The following RBFOX1 variants were observed in gnomAD, a reference collection of about 807,000 sequenced individuals.
RBFOX1 encodes RNA binding protein fox-1 homolog 1.
Under a neutral mutation model 57.7 loss-of-function variants are expected in RBFOX1, and 8 were observed. The observed-to-expected ratio is 0.14, with a 90% CI of 0.08 to 0.25. The LOEUF is 0.25. Ranked by LOEUF, RBFOX1 falls within the 10% of genes least tolerant of loss-of-function variation. The pLI, the probability that RBFOX1 is intolerant of heterozygous loss-of-function variation, is 1.00. For missense variants in RBFOX1, 611 were observed against 548.5 expected (o/e 1.11, Z -1.14); for synonymous variants, 326 against 222.4 (o/e 1.47, Z -4.15).
At chr16:5,319,744 G>T (rs1174234549) in intron 1 of RBFOX1, among the ~76,000 whole-genome samples, 2 of 152,180 alleles carry the variant, frequency 1.3e-5, no homozygotes, top group Admixed American at 6.5e-5. Flanking sequence ...TTCCACAATA[G>T]AAGTTTGTTG....
At chr16:6,941,636 A>T (rs2078534609) in intron 3 of RBFOX1, among the ~76,000 whole-genome samples, 1 of 151,932 alleles carries the variant, frequency 6.6e-6, no homozygotes, top group Non-Finnish European at 1.5e-5. Context: ...CCTGTTGAAT[A>T]TTATAAGAAT....
chr16:6,607,241 C>A (rs573601909), intron 2 of RBFOX1, among the ~76,000 whole-genome samples: 14 of 152,058 alleles, frequency 9.2e-5, no homozygotes, highest in Non-Finnish European at 1.5e-4. Context: ...TGCTTTGAAC[C>A]ATCTTGGAAC....
chr16:7,447,120 G>C (rs2098814910), intron 4 of RBFOX1, among the ~76,000 whole-genome samples: 3 of 151,980 alleles, frequency 2.0e-5, no homozygotes, highest in Non-Finnish European at 4.4e-5. Flanking sequence ...CCTCAAGGTA[G>C]GTCTGGGTTT....
chr16:6,822,539 T>C (rs1378535544), intron 3 of RBFOX1, among the ~76,000 whole-genome samples: 1 of 152,240 alleles, frequency 6.6e-6, no homozygotes, highest in Non-Finnish European at 1.5e-5. Flanking sequence ...TGGCTAGAGA[T>C]AAAACATGTC....
chr16:7,204,006 CTG>C lies in RBFOX1; in HGVS notation c.27+151910_27+151911del, dbSNP rs776035827. On this transcript the variant is annotated intron_variant, in intron 4 of 15. Transcript: ENST00000550418. Reference sequence around the variant, plus strand: ...ACATCACTTACGTTATATTTTAAGACTGTCGCAATCTTTAACTAACATTTCGA... The same window carrying C: ...ACATCACTTACGTTATATTTTAAGACTCGCAATCTTTAACTAACATTTCGA... Among the ~76,000 whole-genome samples the C allele has an allele frequency of 1.6e-3, 240 of 152,364 alleles. 3 individuals are homozygous for C. Among genetic ancestry groups the C allele is most frequent in the Admixed American group, 1.6e-3 (25 of 15,306 alleles).
intron 9 of RBFOX1, among the ~76,000 whole-genome samples, chr16:7,599,327 G>C (rs980841351): frequency 1.3e-5 from 2 of 152,240 alleles, no homozygotes; most frequent in Non-Finnish European, 2.9e-5. Flanking sequence ...ATGACTAGCT[G>C]CTCATGTGTG....
At chr16:5,556,726 C>T (rs1030729976) in intron 2 of RBFOX1, among the ~76,000 whole-genome samples, 1 of 152,168 alleles carries the variant, frequency 6.6e-6, no homozygotes, top group African/African-American at 2.4e-5. Context: ...TTCCTTGGGA[C>T]ATGAGATGCA....
intron 4 of RBFOX1, among the ~76,000 whole-genome samples, chr16:7,155,031 G>T (rs889141300): frequency 6.6e-6 from 1 of 152,026 alleles, no homozygotes; most frequent in African/African-American, 2.4e-5. Context: ...TATTGAGCTG[G>T]AATATTTTGT....
At chr16:6,451,788 C>T (rs1356945833) in intron 2 of RBFOX1, among the ~76,000 whole-genome samples, 1 of 152,174 alleles carries the variant, frequency 6.6e-6, no homozygotes, top group Non-Finnish European at 1.5e-5. Flanking sequence ...GCTCTTCCTC[C>T]CGTGACTCCA....
At chr16:5,722,466 A>G (rs928750429) in intron 3 of RBFOX1, among the ~76,000 whole-genome samples, 1 of 152,198 alleles carries the variant, frequency 6.6e-6, no homozygotes. Flanking sequence ...AAATCCAGAT[A>G]CAATTAGACT....
intron 4 of RBFOX1, among the ~76,000 whole-genome samples, chr16:5,891,582 A>G (rs2058045556): frequency 6.6e-6 from 1 of 152,122 alleles, no homozygotes; most frequent in Admixed American, 6.5e-5. Context: ...GGTGGCAAAA[A>G]TGGCAGAGGG....
At chr16:7,041,975 C>T (rs945545999) in intron 3 of RBFOX1, among the ~76,000 whole-genome samples, 4 of 152,118 alleles carry the variant, frequency 2.6e-5, no homozygotes, top group African/African-American at 4.8e-5. Context: ...GCTAACGTTA[C>T]TTAGGAGATG....
At chr16:5,844,196 A>G (rs961516715) in intron 3 of RBFOX1, among the ~76,000 whole-genome samples, 1 of 152,204 alleles carries the variant, frequency 6.6e-6, no homozygotes, top group African/African-American at 2.4e-5. Context: ...TTCACAAAGG[A>G]CAGTTTACCA....
intron 1 of RBFOX1, among the ~76,000 whole-genome samples, chr16:5,450,843 G>T (rs545108012): frequency 1.1e-3 from 160 of 152,272 alleles, no homozygotes; most frequent in African/African-American, 3.6e-3. Context: ...GCACACAGGA[G>T]CCCAGTTTGG....
At chr16:5,563,933 A>G (rs1294257576) in intron 2 of RBFOX1, among the ~76,000 whole-genome samples, 3 of 152,188 alleles carry the variant, frequency 2.0e-5, no homozygotes, top group Non-Finnish European at 4.4e-5. Flanking sequence ...CTGACATGAG[A>G]CTATGACCTA....
intron 4 of RBFOX1, among the ~76,000 whole-genome samples, chr16:7,508,118 C>T (rs932877719): frequency 6.6e-6 from 1 of 152,038 alleles, no homozygotes; most frequent in Non-Finnish European, 1.5e-5. Context: ...TCCAAAGTAG[C>T]TGGGATTACA....
At chr16:7,014,852 G>A (rs759763726) in intron 3 of RBFOX1, among the ~76,000 whole-genome samples, 1 of 152,106 alleles carries the variant, frequency 6.6e-6, no homozygotes, top group Non-Finnish European at 1.5e-5. Flanking sequence ...AGCCTCCTGA[G>A]TAGCTGAGAT....
chr16:7,282,151 C>T (rs940477372), intron 4 of RBFOX1, among the ~76,000 whole-genome samples: 3 of 152,186 alleles, frequency 2.0e-5, no homozygotes, highest in Non-Finnish European at 4.4e-5. Context: ...GTGTGAGCCA[C>T]TGTACCTGGC....
At chr16:6,042,870 G>A (rs2152419243) in intron 1 of RBFOX1, among the ~76,000 whole-genome samples, 4 of 152,244 alleles carry the variant, frequency 2.6e-5, no homozygotes, top group Admixed American at 2.6e-4. Context: ...TTTTCTGATT[G>A]ACAGTTGATT....
Sources: allele counts gnomAD v4.1 joint callset (sites outside exome capture counted in the v4.1 genomes callset), GRCh38; gene constraint gnomAD v4.1.1; transcripts MANE v1.5; gene names NCBI Gene and HGNC (gene_info 2026-07-23, HGNC 2026-07-21).